Variants in ANO10 observed in about 807,000 individuals in gnomAD.
The protein encoded by ANO10 is anoctamin-10.
A neutral mutation model predicts 74.7 loss-of-function variants in ANO10; 77 were observed. The observed-to-expected ratio is 1.03, with a 90% CI of 0.86 to 1.25. The LOEUF is 1.25. Ranked by LOEUF, ANO10 falls within the 50% of genes most tolerant of loss-of-function variation. ANO10 has a pLI of 0.00. For missense variants in ANO10, 721 were observed against 778.1 expected, an observed-to-expected ratio of 0.93 and a Z score of 0.87; for synonymous variants, 279 against 284.9, an observed-to-expected ratio of 0.98 and a Z score of 0.21.
At chr3:43,493,064 G>T (rs574167123) in intron 11 of ANO10, among the ~76,000 whole-genome samples, 193 of 152,294 alleles carry the variant, frequency 1.3e-3, no homozygotes, top group African/African-American at 4.5e-3. Flanking sequence ...TAGACTGGAT[G>T]AAGAAAATGT....
At chr3:43,586,809 A>G (rs1375457997) in intron 4 of ANO10, among the ~76,000 whole-genome samples, 1 of 152,164 alleles carries the variant, frequency 6.6e-6, no homozygotes, top group Non-Finnish European at 1.5e-5. Context: ...CAGAGAAGCA[A>G]TGCAAGAGAA....
At chr3:43,610,603 T>C (rs1475369369) in intron 1 of ANO10, among the ~76,000 whole-genome samples, 1 of 152,218 alleles carries the variant, frequency 6.6e-6, no homozygotes, top group Non-Finnish European at 1.5e-5. Flanking sequence ...TCTGTTATAA[T>C]TTTATGGAAC....
chr3:43,462,043 T>G (rs2075400958), intron 11 of ANO10, among the ~76,000 whole-genome samples: 1 of 152,184 alleles, frequency 6.6e-6, no homozygotes, highest in Non-Finnish European at 1.5e-5. Context: ...AGAAACTTGT[T>G]GGGAAGTGGA....
At chr3:43,633,995 C>CA (rs5848667) in intron 1 of ANO10, among the ~76,000 whole-genome samples, 74,841 of 123,962 alleles carry the variant, frequency 0.6, 22,835 homozygotes, top group East Asian at 0.84. Flanking sequence ...TCATGGACAG[C>CA]AAAAAAAAAA....
At chr3:43,420,376 G>GTGCAGGT (rs1334009448) in intron 12 of ANO10, among the ~76,000 whole-genome samples, 1 of 152,026 alleles carries the variant, frequency 6.6e-6, no homozygotes, top group Non-Finnish European at 1.5e-5. Flanking sequence ...AGCCCAGGAG[G>GTGCAGGT]TGCAGGTTGC....
intron 1 of ANO10, among the ~76,000 whole-genome samples, chr3:43,642,323 T>C (rs1259653745): frequency 6.6e-5 from 10 of 152,212 alleles, no homozygotes; most frequent in Non-Finnish European, 1.5e-4. Flanking sequence ...TAATTCAGAA[T>C]TGTACACTTG....
intron 11 of ANO10, among the ~76,000 whole-genome samples, chr3:43,491,547 G>C (rs1462040995): frequency 6.6e-6 from 1 of 151,886 alleles, no homozygotes; most frequent in African/African-American, 2.4e-5. Context: ...TTAAGTCAAA[G>C]GTCAAACTGC....
At chr3:43,484,681 G>C (rs757227889) in intron 11 of ANO10, among the ~76,000 whole-genome samples, 1 of 152,078 alleles carries the variant, frequency 6.6e-6, no homozygotes, top group Non-Finnish European at 1.5e-5. Context: ...AGTCAGTTGT[G>C]CCTAAACTCC....
intron 11 of ANO10, among the ~76,000 whole-genome samples, chr3:43,458,959 T>C (rs1438771641): frequency 2.6e-5 from 4 of 152,198 alleles, no homozygotes; most frequent in African/African-American, 4.8e-5. Flanking sequence ...ATTAAACCTA[T>C]TTCTTATACG....
intron 11 of ANO10, among the ~76,000 whole-genome samples, chr3:43,463,554 G>T (rs541579332): frequency 1.3e-5 from 2 of 152,322 alleles, no homozygotes; most frequent in Non-Finnish European, 2.9e-5. Flanking sequence ...TGCCCTGCTG[G>T]ATTTTGGACT....
intron 11 of ANO10, among the ~76,000 whole-genome samples, chr3:43,480,824 A>G (rs754898360): frequency 1.1e-4 from 17 of 152,198 alleles, no homozygotes; most frequent in Non-Finnish European, 1.0e-4. Flanking sequence ...TGTTTAGGAA[A>G]GAATCAATGA....
intron 12 of ANO10, among the ~76,000 whole-genome samples, chr3:43,376,421 TGTAAA>T (rs957879772): frequency 1.3e-5 from 2 of 152,212 alleles, no homozygotes; most frequent in Admixed American, 6.5e-5. Context: ...TTTTGACACT[TGTAAA>T]GTAGAGGTAT....
intron 12 of ANO10, among the ~76,000 whole-genome samples, chr3:43,382,072 G>A (rs1022381531): frequency 1.3e-5 from 2 of 152,344 alleles, no homozygotes; most frequent in South Asian, 4.1e-4. Flanking sequence ...AGGCAGTGCG[G>A]ATACAGCAAA....
At chr3:43,428,203 C>T (rs2092926481) in intron 12 of ANO10, among the ~76,000 whole-genome samples, 1 of 151,912 alleles carries the variant, frequency 6.6e-6, no homozygotes, top group Non-Finnish European at 1.5e-5. Context: ...GTGTGTGCCA[C>T]CATACCCAGC....
intron 2 of ANO10, among the ~76,000 whole-genome samples, chr3:43,601,233 T>A (rs2082325078): frequency 6.6e-6 from 1 of 152,186 alleles, no homozygotes; most frequent in South Asian, 2.1e-4. Context: ...TGAGACAGGG[T>A]CTCACTCTAT....
intron 12 of ANO10, among the ~76,000 whole-genome samples, chr3:43,367,638 G>T (rs1327353237): frequency 1.3e-5 from 2 of 152,078 alleles, no homozygotes; most frequent in Non-Finnish European, 2.9e-5. Flanking sequence ...CCAGGGAGGT[G>T]TCAGAAGGGA....
chr3:43,581,157 A>G (rs1341042326), intron 4 of ANO10, among the ~76,000 whole-genome samples: 1 of 152,202 alleles, frequency 6.6e-6, no homozygotes, highest in African/African-American at 2.4e-5. Flanking sequence ...GTCTCCAGAA[A>G]AAATTTACCA....
intron 11 of ANO10, among the ~76,000 whole-genome samples, chr3:43,482,993 C>A (rs577941244): frequency 2.6e-5 from 4 of 152,068 alleles, no homozygotes; most frequent in Non-Finnish European, 5.9e-5. Context: ...GGCCATGGAT[C>A]GTAAAGAAAG....
At chr3:43,511,208 C>T (rs1445373739) in intron 11 of ANO10, among the ~76,000 whole-genome samples, 1 of 152,092 alleles carries the variant, frequency 6.6e-6, no homozygotes, top group African/African-American at 2.4e-5. Flanking sequence ...TATTATATTT[C>T]CAACCTAATT....
Sources: allele counts gnomAD v4.1 joint callset (sites outside exome capture counted in the v4.1 genomes callset), GRCh38; gene constraint gnomAD v4.1.1; transcripts MANE v1.5; gene names NCBI Gene and HGNC (gene_info 2026-07-23, HGNC 2026-07-21).